Variants in UNC13C observed in about 807,000 individuals in gnomAD.
UNC13C encodes the protein protein unc-13 homolog C.
In UNC13C, 174 loss-of-function variants were observed where a neutral mutation model predicts 245.4. The observed-to-expected ratio is 0.71, with a 90% CI of 0.63 to 0.80. The LOEUF is 0.80. Among genes scored for constraint, UNC13C ranks in the 30% least tolerant of loss-of-function variants. UNC13C has a pLI of 0.00. For synonymous variants in UNC13C, 992 were observed against 895.1 expected, an observed-to-expected ratio of 1.11 and a Z score of -1.93; for missense variants, 2,829 against 2,602.9, an observed-to-expected ratio of 1.09 and a Z score of -1.89.
At chr15:54,417,109 T>C in intron 19 of UNC13C, 2 of 370,554 alleles carry the variant, frequency 5.4e-6, no homozygotes, top group South Asian at 4.0e-5. Flanking sequence ...TTGATTTGAT[T>C]ATGTATGTGT....
intron 2 of UNC13C, among the ~76,000 whole-genome samples, chr15:54,062,042 G>T (rs915639637): frequency 2.6e-5 from 4 of 151,796 alleles, no homozygotes; most frequent in African/African-American, 9.7e-5. Flanking sequence ...ATCCTCAGTC[G>T]GGCGTGGTGG....
intron 2 of UNC13C, among the ~76,000 whole-genome samples, chr15:54,053,788 C>T (rs967133090): frequency 6.6e-6 from 1 of 152,068 alleles, no homozygotes; most frequent in African/African-American, 2.4e-5. Flanking sequence ...CTTTCCTACC[C>T]CCAACTACCC....
intron 28 of UNC13C, among the ~76,000 whole-genome samples, chr15:54,552,821 T>TTATGTATTCTATATTACA (rs1304810026): frequency 1.1e-5 from 1 of 90,914 alleles, no homozygotes; most frequent in African/African-American, 4.5e-5. Context: ...TATAATATAA[T>TTATGTATTCTATATTACA]ATATAATTAT....
chr15:54,151,411 C>A (rs1383833035), intron 4 of UNC13C, among the ~76,000 whole-genome samples: 1 of 152,088 alleles, frequency 6.6e-6, no homozygotes, highest in African/African-American at 2.4e-5. Flanking sequence ...CTCTTTTATT[C>A]CTTTTTTTTC....
At chr15:54,563,031 T>C (rs1489971236) in intron 29 of UNC13C, among the ~76,000 whole-genome samples, 1 of 152,036 alleles carries the variant, frequency 6.6e-6, no homozygotes, top group Non-Finnish European at 1.5e-5. Context: ...TTTATGACTT[T>C]TAAAAATTTT....
chr15:54,349,203 T>G (rs1047329951), intron 17 of UNC13C, among the ~76,000 whole-genome samples: 2 of 150,818 alleles, frequency 1.3e-5, no homozygotes, highest in Admixed American at 1.3e-4. Context: ...AATGCCAGCT[T>G]CATGACTAGT....
chr15:54,500,675 A>G (rs1277276605), intron 21 of UNC13C, among the ~76,000 whole-genome samples, 160 bp from the exon 22 acceptor site: 2 of 152,174 alleles, frequency 1.3e-5, no homozygotes, highest in African/African-American at 4.8e-5. Context: ...CACACTTTCA[A>G]GAAAAGGAGA....
chr15:54,133,786 C>A (rs1043441733), intron 2 of UNC13C, among the ~76,000 whole-genome samples: 2 of 152,068 alleles, frequency 1.3e-5, no homozygotes, highest in East Asian at 1.9e-4. Context: ...TCTATATACA[C>A]AATATCTGTA....
At chr15:53,934,379 T>C in the UNC13C span, among the ~76,000 whole-genome samples, 1 of 152,206 alleles carries the variant, frequency 6.6e-6, no homozygotes, top group African/African-American at 2.4e-5. Context: ...TCTGGTGTAG[T>C]AGAGTTCTTT....
intron 2 of UNC13C, among the ~76,000 whole-genome samples, chr15:54,126,222 C>T (rs2031028217): frequency 2.6e-5 from 4 of 152,008 alleles, no homozygotes; most frequent in African/African-American, 9.7e-5. Context: ...CAACTATATG[C>T]TCTCCATAAG....
chr15:54,523,335 T>A (rs1204428413), intron 24 of UNC13C, among the ~76,000 whole-genome samples: 2 of 152,230 alleles, frequency 1.3e-5, no homozygotes, highest in Admixed American at 6.5e-5. Flanking sequence ...CCTGTTTTAA[T>A]GGTATGATTC....
chr15:54,409,785 G>A (rs1055318100), intron 18 of UNC13C, among the ~76,000 whole-genome samples: 1 of 152,018 alleles, frequency 6.6e-6, no homozygotes, highest in Admixed American at 6.6e-5. Flanking sequence ...ACTGTGTATG[G>A]GCTTCTAGGT....
the UNC13C span, among the ~76,000 whole-genome samples, chr15:53,858,556 G>T: frequency 3.3e-5 from 5 of 151,898 alleles, no homozygotes; most frequent in East Asian, 1.9e-4. Flanking sequence ...GACTAGCTGG[G>T]ATTACAGGCA....
At chr15:54,174,789 C>T (rs1260536412) in intron 4 of UNC13C, among the ~76,000 whole-genome samples, 1 of 152,106 alleles carries the variant, frequency 6.6e-6, no homozygotes, top group East Asian at 1.9e-4. Flanking sequence ...GCCCTCGTTT[C>T]CTTTTCCAGC....
At chr15:54,232,881 C>G (rs898488920) in intron 4 of UNC13C, among the ~76,000 whole-genome samples, 1 of 151,996 alleles carries the variant, frequency 6.6e-6, no homozygotes, top group Admixed American at 6.6e-5. Context: ...CTTCTAGATA[C>G]CCATTCACTT....
intron 4 of UNC13C, among the ~76,000 whole-genome samples, chr15:54,151,549 C>T (rs562751822): frequency 2.6e-5 from 4 of 152,208 alleles, no homozygotes; most frequent in South Asian, 2.1e-4. Flanking sequence ...ATTACAGGCG[C>T]GTGCCATCAT....
intron 20 of UNC13C, among the ~76,000 whole-genome samples, chr15:54,498,320 G>A (rs1357440220): frequency 6.6e-6 from 1 of 152,012 alleles, no homozygotes; most frequent in Non-Finnish European, 1.5e-5. Flanking sequence ...GTTAAGGGGA[G>A]AAATCATGTA....
Position 54,500,135 on chromosome 15 carries a change from A to G in UNC13C, c.5117A>G (p.Glu1706Gly), listed in dbSNP as rs545497816. 57 of 1,611,414 alleles carry G rather than the reference A, an allele frequency of 3.5e-5. No individual in the cohort carries two copies. In the South Asian group the frequency reaches 6.1e-4, roughly 17 times the overall value. Residue 1706 changes from glutamate to glycine, a missense_variant, in exon 21 of 33, where the codon GAA becomes GGA. Transcript: ENST00000260323. The part of the protein sequence containing the change: ...WLDENEDVSM[E>G]FLHGALGRDK... ...GATGAAAACGAAGATGTGTCAATGG[A>G]ATTCCTTCATGGAGCACTGGGAAGA...
chr15:54,105,503 G>A (rs1430889904), intron 2 of UNC13C, among the ~76,000 whole-genome samples: 1 of 152,074 alleles, frequency 6.6e-6, no homozygotes, highest in Non-Finnish European at 1.5e-5. Flanking sequence ...TATCCTTTGT[G>A]TAAAGTCACA....
Sources: gnomAD v4.1 joint callset for allele counts (sites outside exome capture counted in the v4.1 genomes callset) on GRCh38, gnomAD v4.1.1 for gene constraint, MANE v1.5 for transcripts, NCBI Gene and HGNC (gene_info 2026-07-23, HGNC 2026-07-21) for gene names.